Variants in SPATA16 observed in about 807,000 individuals in gnomAD.
The protein encoded by SPATA16 is spermatogenesis associated 16.
In SPATA16, 36 loss-of-function variants were observed where a neutral mutation model predicts 63.3. That is an observed-to-expected ratio of 0.57 (90% CI 0.44 to 0.75). The LOEUF is 0.75. Ranked by LOEUF, SPATA16 falls within the 30% of genes least tolerant of loss-of-function variation. The pLI is 0.00. For synonymous variants in SPATA16, 203 were observed against 216.7 expected (o/e 0.94, Z 0.56); for missense variants, 646 against 679.3 (o/e 0.95, Z 0.54).
chr3:173,018,491 G>T (rs1020163734), intron 4 of SPATA16, among the ~76,000 whole-genome samples: 6 of 151,928 alleles, frequency 3.9e-5, no homozygotes, highest in Non-Finnish European at 7.4e-5. Context: ...GGTCAGGCTG[G>T]TCTCAAACTC....
chr3:172,956,659 G>A lies in SPATA16; in HGVS notation c.1081+18C>T. The A allele has an allele frequency of 6.2e-7, 1 of 1,607,408 alleles. No individual in the cohort carries two copies. The stretch of plus-strand genomic sequence containing the variant: ...GAAACAAAATATCAGCTGATAACTT[G>A]AAGATATTGAATCTTACCTGTGTAC... On this transcript the variant is annotated intron_variant, in intron 6 of 10. Transcript: ENST00000351008.
At chr3:173,026,102 G>A (rs557564861) in intron 3 of SPATA16, among the ~76,000 whole-genome samples, 33 of 151,914 alleles carry the variant, frequency 2.2e-4, no homozygotes, top group Admixed American at 5.3e-4. Context: ...GCATGTATGC[G>A]TGTGTTGTGT....
intron 2 of SPATA16, among the ~76,000 whole-genome samples, chr3:173,097,475 G>A (rs569848984): frequency 2.6e-5 from 4 of 152,260 alleles, no homozygotes; most frequent in South Asian, 4.1e-4. Context: ...ATTTGTATTC[G>A]TTTTGCTGTA....
At chr3:172,976,478 T>C (rs957961274) in intron 5 of SPATA16, among the ~76,000 whole-genome samples, 12 of 152,140 alleles carry the variant, frequency 7.9e-5, no homozygotes, top group African/African-American at 2.9e-4. Flanking sequence ...GTATGACTTC[T>C]TGCTGCCATT....
chr3:172,904,697 A>T (rs1363530404), intron 10 of SPATA16, among the ~76,000 whole-genome samples: 1 of 152,180 alleles, frequency 6.6e-6, no homozygotes, highest in Non-Finnish European at 1.5e-5. Context: ...GAGGAGAAAG[A>T]TGTTGGTTTA....
chr3:173,035,890 A>G (rs1361166668), intron 3 of SPATA16, among the ~76,000 whole-genome samples: 1 of 152,060 alleles, frequency 6.6e-6, no homozygotes, highest in Non-Finnish European at 1.5e-5. Context: ...GCAGGAAGCA[A>G]ACAGGTGATA....
intron 6 of SPATA16, among the ~76,000 whole-genome samples, chr3:172,938,442 C>T (rs866227283): frequency 2.2e-4 from 34 of 152,028 alleles, no homozygotes; most frequent in Non-Finnish European, 1.2e-4. Context: ...TGGACATTGA[C>T]GAGGATGAAA....
At chr3:173,114,915 T>C (rs56311673) in intron 2 of SPATA16, among the ~76,000 whole-genome samples, 1 of 152,262 alleles carries the variant, frequency 6.6e-6, no homozygotes, top group South Asian at 2.1e-4. Flanking sequence ...TTTGAGATAT[T>C]CTAGCTAAGA....
At chr3:173,131,632 T>G (rs1738387914) in intron 1 of SPATA16, among the ~76,000 whole-genome samples, 1 of 152,086 alleles carries the variant, frequency 6.6e-6, no homozygotes, top group Non-Finnish European at 1.5e-5. Flanking sequence ...GTGGAAAGCC[T>G]CTGAAAGGAA....
intron 4 of SPATA16, among the ~76,000 whole-genome samples, chr3:172,984,378 A>G (rs1015238255): frequency 6.6e-6 from 1 of 152,144 alleles, no homozygotes; most frequent in African/African-American, 2.4e-5. Context: ...GTGATCAGTA[A>G]TTCATATCTG....
chr3:172,927,724 C>G lies in SPATA16; in HGVS notation c.1082-2232G>C, dbSNP rs1166122963. Among the ~76,000 whole-genome samples, 4 of 152,118 alleles carry G rather than the reference C, an allele frequency of 2.6e-5. No individual in the cohort carries two copies. The East Asian group carries it at 7.7e-4, about 29-fold the overall frequency. On this transcript the variant is annotated intron_variant, in intron 6 of 10. Transcript: ENST00000351008. ...TGCCAAAGTACAAAGGCTTACCACT[C>G]AAAACTATCCTTGTGACAGTCTAGG...
chr3:173,115,908 T>C (rs1737886083), intron 2 of SPATA16, among the ~76,000 whole-genome samples: 1 of 152,028 alleles, frequency 6.6e-6, no homozygotes, highest in Non-Finnish European at 1.5e-5. Context: ...CTTTTTTTTT[T>C]TTGACACAGA....
At chr3:173,042,078 ATGC>A (rs1413170334) in intron 3 of SPATA16, among the ~76,000 whole-genome samples, 6 of 152,180 alleles carry the variant, frequency 3.9e-5, no homozygotes, top group Non-Finnish European at 7.3e-5. Context: ...GGTATCTGTA[ATGC>A]TTTAAGCGAA....
intron 3 of SPATA16, among the ~76,000 whole-genome samples, chr3:173,047,064 A>C (rs1441401812): frequency 1.3e-5 from 2 of 151,946 alleles, no homozygotes; most frequent in Non-Finnish European, 2.9e-5. Flanking sequence ...TTGAAAAAGC[A>C]TTCTTACTTT....
rs543209212 is a variant in SPATA16 at position 173,137,137 on chromosome 3, A to C, written c.-19+3966T>G. Among the ~76,000 whole-genome samples the C allele has an allele frequency of 8.1e-4, 124 of 152,310 alleles. 1 individual carries two copies. The Middle Eastern group carries it at 0.01, about 13-fold the overall frequency. On this transcript the variant is annotated intron_variant, in intron 1 of 10. Transcript: ENST00000351008. ...CTGCCTCTGCCATCACTGTACATCT[A>C]AATCAGCTTATACCAGTTTAGGGCA...
At chr3:173,024,862 TTA>T (rs1438969348) in intron 3 of SPATA16, among the ~76,000 whole-genome samples, 2 of 150,710 alleles carry the variant, frequency 1.3e-5, no homozygotes, top group Non-Finnish European at 3.0e-5. Flanking sequence ...TATAGAAAAT[TTA>T]TGTTTTCTTT....
intron 4 of SPATA16, among the ~76,000 whole-genome samples, chr3:172,986,708 C>T (rs2108258115): frequency 6.6e-6 from 1 of 152,260 alleles, no homozygotes; most frequent in Non-Finnish European, 1.5e-5. Flanking sequence ...ATGAAGAAGC[C>T]TGGATTTCAT....
At chr3:172,960,908 C>CTTTCTTTCTTT (rs1560080043) in intron 5 of SPATA16, among the ~76,000 whole-genome samples, 1 of 118,514 alleles carries the variant, frequency 8.4e-6, no homozygotes, top group Non-Finnish European at 1.8e-5. Context: ...CTTCCTTCCT[C>CTTTCTTTCTTT]CCTCCCTCCC....
intron 2 of SPATA16, among the ~76,000 whole-genome samples, chr3:173,050,566 A>G (rs1560107191): frequency 1.3e-5 from 2 of 151,854 alleles, no homozygotes. Flanking sequence ...TTCCTTGCCT[A>G]TTTCTATTGA....
Sources: allele counts gnomAD v4.1 joint callset (sites outside exome capture counted in the v4.1 genomes callset), GRCh38; gene constraint gnomAD v4.1.1; transcripts MANE v1.5; gene names NCBI Gene and HGNC (gene_info 2026-07-23, HGNC 2026-07-21).